TRAPPC9: variants seen among roughly 807,000 people sequenced by gnomAD.
TRAPPC9 encodes the protein IKK2 binding protein.
A neutral mutation model predicts 124.0 loss-of-function variants in TRAPPC9; 83 were observed. The ratio of observed to expected loss-of-function variants is 0.67; its 90% CI spans 0.56 to 0.80. The LOEUF (loss-of-function observed/expected upper bound fraction) is 0.80, where lower values mean the gene tolerates loss of function less well. TRAPPC9 is among the 30% of genes least tolerant of loss of function. TRAPPC9 has a pLI of 0.00. For missense variants in TRAPPC9, 1,302 were observed against 1,508.3 expected (o/e 0.86, Z 2.27); for synonymous variants, 638 against 617.5 (o/e 1.03, Z -0.49).
intron 2 of TRAPPC9, among the ~76,000 whole-genome samples, chr8:140,445,906 G>A (rs2071234208): frequency 6.6e-6 from 1 of 152,232 alleles, no homozygotes; most frequent in African/African-American, 2.4e-5. Flanking sequence ...GCCAGCCAAA[G>A]AGTGTCCTGC....
intron 17 of TRAPPC9, among the ~76,000 whole-genome samples, chr8:140,143,655 C>T (rs1358415145): frequency 6.6e-6 from 1 of 152,202 alleles, no homozygotes; most frequent in Admixed American, 6.5e-5. Context: ...ACATTATCTT[C>T]TAAAATTTTA....
chr8:140,253,715 C>T (rs1337942349), intron 15 of TRAPPC9, among the ~76,000 whole-genome samples: 2 of 151,900 alleles, frequency 1.3e-5, no homozygotes, highest in Admixed American at 6.6e-5. Flanking sequence ...GAATTAAGGA[C>T]GGCACCTTGG....
intron 17 of TRAPPC9, among the ~76,000 whole-genome samples, chr8:140,164,917 C>T (rs2061808627): frequency 6.6e-6 from 1 of 152,216 alleles, no homozygotes; most frequent in Non-Finnish European, 1.5e-5. Flanking sequence ...GCAGCCCCTG[C>T]CTCTCTCTAG....
At chr8:139,790,054 C>T (rs1822547394) in intron 21 of TRAPPC9, among the ~76,000 whole-genome samples, 1 of 152,216 alleles carries the variant, frequency 6.6e-6, no homozygotes, top group Admixed American at 6.5e-5. Flanking sequence ...CGCCGCGTCG[C>T]TGCTGAGCGG....
At chr8:139,823,468 G>A (rs1279396496) in intron 21 of TRAPPC9, among the ~76,000 whole-genome samples, 13 of 152,146 alleles carry the variant, frequency 8.5e-5, no homozygotes, top group Admixed American at 8.5e-4. Context: ...ATGCCACAAA[G>A]AGCTTGAAAT....
chr8:140,352,602 G>A (rs142765343), intron 9 of TRAPPC9, among the ~76,000 whole-genome samples: 124 of 152,260 alleles, frequency 8.1e-4, no homozygotes, highest in Non-Finnish European at 1.4e-3. Flanking sequence ...CTGAATCCCC[G>A]GTTACACTGG....
rs138964320 is a variant in TRAPPC9, at chr8:139,767,638, T to C, written c.3056-35436A>G. 9.4e-3 allele frequency among the ~76,000 whole-genome samples: 1,430 copies of C among 152,272 alleles called. 25 individuals carry two copies. Among genetic ancestry groups the C allele is most frequent in the African/African-American group, 0.032 (1,344 of 41,550 alleles). On this transcript the variant is annotated intron_variant, in intron 21 of 22. Transcript: ENST00000438773. ...AGGCTTGGGCTTGAGCTGCACCAAG[T>C]AGCCCCTCTGGCCAGGCCCAGATTC...
chr8:140,105,741 T>C (rs1478605710), intron 17 of TRAPPC9, among the ~76,000 whole-genome samples: 1 of 152,126 alleles, frequency 6.6e-6, no homozygotes, highest in Non-Finnish European at 1.5e-5. Flanking sequence ...ACTTTCTTTT[T>C]GTCTTTAATC....
intron 7 of TRAPPC9, among the ~76,000 whole-genome samples, chr8:140,374,149 C>T (rs984459452): frequency 3.9e-5 from 6 of 152,168 alleles, no homozygotes; most frequent in Admixed American, 2.0e-4. Context: ...GTCTATGGTC[C>T]GTGAATATTC....
chr8:140,016,567 G>A (rs1213631203), intron 18 of TRAPPC9, among the ~76,000 whole-genome samples: 6 of 152,128 alleles, frequency 3.9e-5, no homozygotes, highest in Non-Finnish European at 7.4e-5. Context: ...TTTATGACTC[G>A]ATTCCTTTGA....
chr8:140,323,334 A>C (rs2066647930), intron 9 of TRAPPC9, among the ~76,000 whole-genome samples: 1 of 152,174 alleles, frequency 6.6e-6, no homozygotes, highest in African/African-American at 2.4e-5. Context: ...TGTTTCCTTC[A>C]GTTTTGAGAG....
chr8:139,822,871 T>C (rs893722619), intron 21 of TRAPPC9, among the ~76,000 whole-genome samples: 5 of 152,136 alleles, frequency 3.3e-5, no homozygotes, highest in Admixed American at 6.5e-5. Flanking sequence ...ACAACAGACA[T>C]TGATTTCTCA....
At chr8:139,928,963 C>G (rs931986308) in intron 19 of TRAPPC9, among the ~76,000 whole-genome samples, 1 of 151,980 alleles carries the variant, frequency 6.6e-6, no homozygotes, top group Non-Finnish European at 1.5e-5. Context: ...AAGCATCACG[C>G]CCCTCGATGT....
In TRAPPC9 at chr8:139,949,200, T is replaced by C. The variant is rs73369844; in HGVS notation, c.2811-38900A>G. Among the ~76,000 whole-genome samples, 711 of 152,310 alleles carry C rather than the reference T, an allele frequency of 4.7e-3. 3 individuals carry two copies. Among genetic ancestry groups the C allele is most frequent in the African/African-American group, 0.016 (649 of 41,568 alleles). The stretch of plus-strand genomic sequence containing the variant: ...TAGGAATAAGAAAACCTGATTTCAT[T>C]ACAGGTACTAAGACTGTAAAAGGGT... On this transcript the variant is annotated intron_variant, in intron 19 of 22. Transcript: ENST00000438773.
chr8:140,173,856 G>C (rs2062012621), intron 17 of TRAPPC9, among the ~76,000 whole-genome samples: 2 of 152,160 alleles, frequency 1.3e-5, no homozygotes. Flanking sequence ...TTCAGTCTTG[G>C]CTCCACCTGC....
intron 21 of TRAPPC9, among the ~76,000 whole-genome samples, chr8:139,822,894 C>T (rs1181166111): frequency 6.6e-6 from 1 of 152,230 alleles, no homozygotes; most frequent in Admixed American, 6.5e-5. Flanking sequence ...GTTCTGGAGG[C>T]TACAAGTCCA....
chr8:140,290,352 T>A (rs2065615011), intron 12 of TRAPPC9, among the ~76,000 whole-genome samples: 1 of 152,202 alleles, frequency 6.6e-6, no homozygotes. Flanking sequence ...CAGAGAAGAC[T>A]TGAGGGATGG....
intron 20 of TRAPPC9, among the ~76,000 whole-genome samples, chr8:139,906,096 A>C (rs1662000761): frequency 6.6e-6 from 1 of 152,054 alleles, no homozygotes; most frequent in Non-Finnish European, 1.5e-5. Flanking sequence ...TGCCTCAAAA[A>C]ACAAAAAACA....
At chr8:140,056,429 A>T (rs534310733) in intron 17 of TRAPPC9, among the ~76,000 whole-genome samples, 2 of 152,064 alleles carry the variant, frequency 1.3e-5, no homozygotes, top group African/African-American at 4.8e-5. Flanking sequence ...AACAAAAAAC[A>T]AGTAACAACA....
Sources: gnomAD v4.1 joint callset for allele counts (sites outside exome capture counted in the v4.1 genomes callset) on GRCh38, gnomAD v4.1.1 for gene constraint, MANE v1.5 for transcripts, NCBI Gene and HGNC (gene_info 2026-07-23, HGNC 2026-07-21) for gene names.